The following TCEA1 variants were observed in gnomAD, a reference collection of about 807,000 sequenced individuals.
The protein encoded by TCEA1 is transcription elongation factor A protein 1.
Under a neutral mutation model 43.8 loss-of-function variants are expected in TCEA1, and 21 were observed. The ratio of observed to expected loss-of-function variants is 0.48; its 90% confidence interval spans 0.34 to 0.69. The LOEUF (loss-of-function observed/expected upper bound fraction) is 0.69. Ranked by LOEUF, TCEA1 falls within the 30% of genes least tolerant of loss-of-function variation. The probability of loss-of-function intolerance (pLI) is 0.01; values close to 1 mark genes in which losing one functional copy is unlikely to be tolerated. For missense variants in TCEA1, 250 were observed against 365.1 expected (o/e 0.68, Z 2.57); for synonymous variants, 104 against 117.5 (o/e 0.88, Z 0.75).
At chr8:54,003,028 A>G (rs1351511998) in intron 2 of TCEA1, 4 of 456,310 alleles carry the variant, frequency 8.8e-6, no homozygotes, top group Middle Eastern at 3.3e-4. Context: ...GTGCTCCAGA[A>G]GAAAAGTCTC....
intron 3 of TCEA1, among the ~76,000 whole-genome samples, chr8:53,996,901 G>GTATTTTTTTTTT (rs1563494161): frequency 1.1e-5 from 1 of 90,206 alleles, no homozygotes; most frequent in African/African-American, 8.5e-5. Flanking sequence ...AAAGAAGGTT[G>GTATTTTTTTTTT]TCTTTTTTTT....
chr8:53,973,108 TAGA>T lies in TCEA1; in HGVS notation c.826-2648_826-2646del, dbSNP rs981997866. 9.4e-6 allele frequency: 6 copies of T among 637,220 alleles called. 1 individual carries two copies. The highest frequency in any genetic ancestry group is 1.8e-5 in the Non-Finnish European group (6 of 332,992). 39.5% of individuals were successfully genotyped at this position (637,220 alleles called of 1,614,324 possible). ...TCCTCTAGCGAAAATGAAGAGGAGA[TAGA>T]AGAGGAGCTACAAGGTGATGATGAA... On this transcript the variant is annotated intron_variant, in intron 8 of 9. Coordinates refer to ENST00000521604, the MANE Select transcript of TCEA1 (RefSeq NM_006756.4).
chr8:53,973,492 A>T (rs929206436), intron 8 of TCEA1: 2 of 499,932 alleles, frequency 4.0e-6, no homozygotes, highest in Admixed American at 3.0e-5. Flanking sequence ...AATAGGTATA[A>T]AGAAAAAAGT....
chr8:53,999,624 C>A (rs1218711252), intron 3 of TCEA1: 3 of 276,510 alleles, frequency 1.1e-5, no homozygotes, highest in South Asian at 2.5e-4. Context: ...ATCATCCTTG[C>A]AAGTTTTCTG....
chr8:53,969,761 C>T (rs1239973344), intron 9 of TCEA1, among the ~76,000 whole-genome samples: 1 of 152,182 alleles, frequency 6.6e-6, no homozygotes. Flanking sequence ...CCTTAACATC[C>T]TCATCTATAA....
intron 3 of TCEA1, among the ~76,000 whole-genome samples, chr8:53,996,326 C>A (rs555811405): frequency 6.6e-4 from 101 of 152,350 alleles, no homozygotes; most frequent in African/African-American, 2.4e-3. Context: ...GCAATCAAGT[C>A]CCAGCTTGGC....
chr8:54,005,144 T>TC (rs377432670), intron 2 of TCEA1, among the ~76,000 whole-genome samples: 1 of 152,338 alleles, frequency 6.6e-6, no homozygotes, highest in Non-Finnish European at 1.5e-5. Flanking sequence ...TTTCCCTTTT[T>TC]CCTAGGGGAT....
In TCEA1 at chr8:54,017,919, A is replaced by G. The variant is rs1035459339; in HGVS notation, c.63+4144T>C. Among the ~76,000 whole-genome samples, 9 of 152,268 alleles carry G rather than the reference A, an allele frequency of 5.9e-5. No homozygotes were observed. In the South Asian group the frequency reaches 1.9e-3, roughly 32 times the overall value. On this transcript the variant is annotated intron_variant, in intron 1 of 9. Coordinates refer to ENST00000521604, the MANE Select transcript of TCEA1 (RefSeq NM_006756.4). ...TGAGTGACATGACTGCATGAGTTATACTACTACAAAAGTTATACTACTTGA... is the reference window on the plus strand; with the variant it reads ...TGAGTGACATGACTGCATGAGTTATGCTACTACAAAAGTTATACTACTTGA...
chr8:54,002,473 A>AG (rs1465175640), intron 2 of TCEA1, among the ~76,000 whole-genome samples: 1 of 151,984 alleles, frequency 6.6e-6, no homozygotes, highest in African/African-American at 2.4e-5. Context: ...CGTCTCAAAA[A>AG]AAAAAAGAAA....
intron 4 of TCEA1, 149 bp downstream of exon 4, chr8:53,993,519 T>G: frequency 1.8e-6 from 1 of 548,764 alleles, no homozygotes; most frequent in Non-Finnish European, 3.1e-6. Context: ...AAAAAATAAA[T>G]TAGAATACAT....
intron 1 of TCEA1, among the ~76,000 whole-genome samples, chr8:54,016,874 T>C (rs1674045937): frequency 6.7e-6 from 1 of 148,430 alleles, no homozygotes; most frequent in South Asian, 2.1e-4. Context: ...CTCGGGAGGC[T>C]GAGACAGGAG....
intron 1 of TCEA1, 26 bp from the exon 2 acceptor site, chr8:54,010,518 G>A: frequency 6.5e-7 from 1 of 1,540,504 alleles, no homozygotes; most frequent in Admixed American, 2.0e-5. Context: ...ATTTCATATT[G>A]AATTCCCAAG....
chr8:53,980,506 C>CA (rs1336187726), intron 7 of TCEA1, among the ~76,000 whole-genome samples: 1 of 152,192 alleles, frequency 6.6e-6, no homozygotes, highest in Non-Finnish European at 1.5e-5. Context: ...CACAATATTC[C>CA]AAGCATTTTC....
intron 7 of TCEA1, among the ~76,000 whole-genome samples, chr8:53,981,395 G>C (rs1038935648): frequency 1.3e-5 from 2 of 152,184 alleles, no homozygotes; most frequent in African/African-American, 4.8e-5. Context: ...AGGGGCTAAA[G>C]CATCTGGTGA....
At chr8:53,998,179 A>G (rs1331599504) in intron 3 of TCEA1, among the ~76,000 whole-genome samples, 2 of 152,240 alleles carry the variant, frequency 1.3e-5, no homozygotes, top group African/African-American at 2.4e-5. Context: ...AGAAGGATAC[A>G]TGCCCCCACA....
chr8:54,006,604 C>T (rs1804470679), intron 2 of TCEA1, among the ~76,000 whole-genome samples: 1 of 152,320 alleles, frequency 6.6e-6, no homozygotes, highest in Non-Finnish European at 1.5e-5. Flanking sequence ...CTCTCTCTAA[C>T]TCTACACGTG....
intron 8 of TCEA1, chr8:53,971,371 G>A (rs375368728): frequency 2.0e-5 from 3 of 152,474 alleles, no homozygotes; most frequent in South Asian, 4.1e-4. Context: ...AGCACTTCGG[G>A]AGGCTGAGGC....
intron 1 of TCEA1, among the ~76,000 whole-genome samples, chr8:54,016,595 T>G (rs1227080323): frequency 1.3e-5 from 2 of 152,156 alleles, no homozygotes; most frequent in Non-Finnish European, 2.9e-5. Context: ...TCCCAGCACT[T>G]TGGGAGGCTG....
chr8:53,988,833 A>G (rs1271653119), intron 4 of TCEA1, among the ~76,000 whole-genome samples: 1 of 152,166 alleles, frequency 6.6e-6, no homozygotes, highest in African/African-American at 2.4e-5. Flanking sequence ...TTGGGAGGCC[A>G]AGAGAGGCAG....
Sources: allele counts gnomAD v4.1 joint callset (sites outside exome capture counted in the v4.1 genomes callset), GRCh38; gene constraint gnomAD v4.1.1; transcripts MANE v1.5; gene names NCBI Gene and HGNC (gene_info 2026-07-23, HGNC 2026-07-21).